Variants in WDR89 observed in about 807,000 individuals in gnomAD.
The protein encoded by WDR89 is WD repeat-containing protein 89.
A neutral mutation model predicts 29.1 loss-of-function variants in WDR89; 17 were observed. That is an observed-to-expected ratio of 0.58 (90% CI 0.40 to 0.88). The LOEUF is 0.88. Ranked by LOEUF, WDR89 falls within the 40% of genes least tolerant of loss-of-function variation. WDR89 has a pLI of 0.00. For synonymous variants in WDR89, 138 were observed against 157.8 expected (o/e 0.87, Z 0.94); for missense variants, 396 against 456.3 (o/e 0.87, Z 1.20).
At chr14:63,632,155 T>C (rs1365421650) in intron 1 of WDR89, among the ~76,000 whole-genome samples, 1 of 148,784 alleles carries the variant, frequency 6.7e-6, no homozygotes, top group African/African-American at 2.5e-5. Flanking sequence ...CAAAAAAAAG[T>C]AAATCCAAAA....
rs1894833267 is a variant in WDR89 at position 63,597,104 on chromosome 14, C to T, written c.*1675G>A. On this transcript the variant is annotated 3_prime_UTR_variant, in exon 3 of 3. Transcript: ENST00000620954. ...GCATGGCCAGGGAGGCCTCAAGAAACTTACAATCATGGGGGAACGCAAAGG... is the reference window on the plus strand; with the variant it reads ...GCATGGCCAGGGAGGCCTCAAGAAATTTACAATCATGGGGGAACGCAAAGG... The T allele has an allele frequency of 6.6e-6, 1 of 152,222 alleles. No homozygotes were observed. The highest frequency in any genetic ancestry group is 1.9e-4 in the East Asian group (1 of 5,200). 9.4% of individuals were successfully genotyped at this position (152,222 alleles called of 1,614,324 possible).
At chr14:63,612,516 CA>C (rs771361797) in intron 2 of WDR89, among the ~76,000 whole-genome samples, 3 of 151,940 alleles carry the variant, frequency 2.0e-5, no homozygotes, top group Non-Finnish European at 4.4e-5. Flanking sequence ...GCTGGGATTA[CA>C]GGGGTGCACC....
intron 2 of WDR89, among the ~76,000 whole-genome samples, chr14:63,605,135 C>A (rs1264537992): frequency 6.6e-6 from 1 of 150,562 alleles, no homozygotes; most frequent in Non-Finnish European, 1.5e-5. Context: ...GGCGACAGAG[C>A]AAGACACGTG....
Position 63,637,945 on chromosome 14 carries a change from C to T in WDR89, c.-138+3859G>A, listed in dbSNP as rs375386467. On this transcript the variant is annotated intron_variant, in intron 1 of 2. Coordinates refer to ENST00000620954, the MANE Select transcript of WDR89 (RefSeq NM_080666.4). ...ATACCACCTGTACCCCAATAACTTA[C>T]GGAAAAATTTTTTTTTTTTCAAAAC... Among the ~76,000 whole-genome samples the T allele has an allele frequency of 8.8e-4, 133 of 151,948 alleles. 1 individual carries two copies. The highest frequency in any genetic ancestry group is 2.9e-3 in the African/African-American group (122 of 41,432).
At position 63,598,770 on chromosome 14, in the gene WDR89, A is replaced by G. The variant is rs370975223; in HGVS notation, c.*9T>C. On this transcript the variant is annotated 3_prime_UTR_variant, in exon 3 of 3. Coordinates refer to ENST00000620954, the MANE Select transcript of WDR89 (RefSeq NM_080666.4). ...ATAAAACCTACCAAACAAAGTGCCA[A>G]ATGCATTATCACTGCTTTTTCCTTC... 11 of 1,562,820 alleles carry G rather than the reference A, an allele frequency of 7.0e-6. No homozygotes were observed. The highest frequency in any genetic ancestry group is 3.5e-4 in the Middle Eastern group (2 of 5,748).
rs780247394 is a variant in WDR89 at position 63,599,414 on chromosome 14, G to A, written c.529C>T (p.Arg177Cys). ...ETHSDDVTQV[R>C]FHPSNPNMVV... ...ATGTTGGGATTGCTGGGATGGAAAC[G>A]TACTTGAGTGACATCATCACTATGT... Residue 177 changes from arginine to cysteine, a missense_variant, in exon 3 of 3, where the codon CGT (arginine) becomes TGT (cysteine). Transcript: ENST00000620954. 40 of 1,614,128 alleles carry A rather than the reference G, an allele frequency of 2.5e-5. No individual in the cohort carries two copies. Among genetic ancestry groups the A allele is most frequent in the South Asian group, 1.9e-4 (17 of 91,080 alleles).
intron 2 of WDR89, among the ~76,000 whole-genome samples, chr14:63,619,005 T>C (rs1013377153): frequency 6.6e-6 from 1 of 152,190 alleles, no homozygotes; most frequent in Non-Finnish European, 1.5e-5. Flanking sequence ...CAATGAAATG[T>C]GGGTCTAGAA....
At chr14:63,627,150 A>ACACACACACACTCT (rs1433982075) in intron 1 of WDR89, among the ~76,000 whole-genome samples, 10 of 127,268 alleles carry the variant, frequency 7.9e-5, no homozygotes, top group African/African-American at 3.2e-4. Flanking sequence ...ACACACACAC[A>ACACACACACACTCT]CTCTCTCTCT....
chr14:63,617,669 G>A (rs985220587), intron 2 of WDR89, among the ~76,000 whole-genome samples: 7 of 151,906 alleles, frequency 4.6e-5, no homozygotes, highest in South Asian at 4.2e-4. Flanking sequence ...AGTTTTAGTC[G>A]AGACGAGGTT....
Position 63,597,130 on chromosome 14 carries a change from G to A in WDR89, c.*1649C>T, listed in dbSNP as rs1333668330. 1 of 152,200 alleles carries A rather than the reference G, an allele frequency of 6.6e-6. No individual in the cohort carries two copies. The highest frequency in any genetic ancestry group is 1.5e-5 in the Non-Finnish European group (1 of 68,050). The allele number at this position is 152,200 out of a possible 1,614,324, so 9.4% of individuals were successfully genotyped here. A position where few individuals can be genotyped will look rare whatever the true frequency, so the allele number is the denominator to read the frequency against. The stretch of plus-strand genomic sequence containing the variant: ...TTACAATCATGGGGGAACGCAAAGG[G>A]GAAGCAAAGCACCTTCTTCACAAGG... On this transcript the variant is annotated 3_prime_UTR_variant, in exon 3 of 3. Coordinates refer to ENST00000620954, the MANE Select transcript of WDR89 (RefSeq NM_080666.4).
At position 63,599,543 on chromosome 14, in the gene WDR89, T is replaced by C; in HGVS notation, c.400A>G (p.Thr134Ala). 1 of 1,614,164 alleles carries C rather than the reference T, an allele frequency of 6.2e-7. No individual in the cohort carries two copies. ...AATGCATCATCATCAACTTTTTCTGTACCAGCACAAATAATATGATCATTA... is the reference window on the plus strand; with the variant it reads ...AATGCATCATCATCAACTTTTTCTGCACCAGCACAAATAATATGATCATTA... ...NCNDHIICAG[T>A]EKVDDDALLV... Residue 134 changes from threonine (T) to alanine (A), a missense_variant, in exon 3 of 3, where the codon ACA becomes GCA. Transcript: ENST00000620954.
intron 2 of WDR89, among the ~76,000 whole-genome samples, chr14:63,620,522 A>G (rs530094801): frequency 1.3e-5 from 2 of 152,246 alleles, no homozygotes; most frequent in African/African-American, 4.8e-5. Context: ...TGGAAAGAGG[A>G]GTAAGTTCAA....
At chr14:63,604,813 C>T (rs1288002528) in intron 2 of WDR89, among the ~76,000 whole-genome samples, 3 of 152,126 alleles carry the variant, frequency 2.0e-5, no homozygotes, top group Non-Finnish European at 4.4e-5. Flanking sequence ...AAGGACGCTG[C>T]GGTCAATGAC....
At chr14:63,636,017 G>C (rs1566802498) in intron 1 of WDR89, among the ~76,000 whole-genome samples, 1 of 152,222 alleles carries the variant, frequency 6.6e-6, no homozygotes, top group East Asian at 1.9e-4. Flanking sequence ...GACCAGCCTG[G>C]CCAACATGGT....
intron 2 of WDR89, among the ~76,000 whole-genome samples, chr14:63,610,245 C>A (rs1201902778): frequency 3.2e-4 from 35 of 109,884 alleles, no homozygotes; most frequent in East Asian, 5.6e-4. Flanking sequence ...AAAAAAAAAA[C>A]TCTTGGATTA....
At chr14:63,625,434 T>G (rs1882975494) in intron 1 of WDR89, among the ~76,000 whole-genome samples, 1 of 145,560 alleles carries the variant, frequency 6.9e-6, no homozygotes, top group Non-Finnish European at 1.5e-5. Flanking sequence ...TACTTACATG[T>G]CAATTCATCA....
rs1894932583 is a variant in WDR89 at position 63,599,281 on chromosome 14, C to G, written c.662G>C (p.Cys221Ser). The G allele has an allele frequency of 6.2e-7, 1 of 1,613,578 alleles. No homozygotes were observed. Among genetic ancestry groups the G allele is most frequent in the Non-Finnish European group, 8.5e-7 (1 of 1,179,726 alleles). ...ATAACCTTTCCCAGACCAACCAATA[C>G]AGCTTACTGATGAAATTGAGTTACA... ...TTCNSISSVSCIGWSGKGYKQ... is the reference protein window; with the variant it reads ...TTCNSISSVSSIGWSGKGYKQ... Residue 221 changes from cysteine (C) to serine (S), a missense_variant, in exon 3 of 3, where the codon TGT becomes TCT. Physicochemically the swap from Cys to Ser is moderately radical, Grantham distance 112. Transcript: ENST00000620954.
rs773497176 is a variant in WDR89, at chr14:63,599,691, ACT to A, written c.250_251del (p.Ser84CysfsTer7). Reference protein sequence around the residue: ...NGVRFANSCDSVYSACTDGTV... With the variant: ...NGVRFANSCDXVYSACTDGTV... Reference sequence around the variant, plus strand: ...TGCCATCAGTACATGCTGAATATACACTGTCACAGGAATTTGCAAATCTGACT... The same window carrying A: ...TGCCATCAGTACATGCTGAATATACAGTCACAGGAATTTGCAAATCTGACT... On this transcript the variant is annotated frameshift_variant, in exon 3 of 3. Transcript: ENST00000620954. LOFTEE classifies it high-confidence loss of function. The A allele has an allele frequency of 1.2e-5, 19 of 1,614,096 alleles. No individual in the cohort carries two copies. Among genetic ancestry groups the A allele is most frequent in the Non-Finnish European group, 1.6e-5 (19 of 1,180,042 alleles).
intron 1 of WDR89, among the ~76,000 whole-genome samples, chr14:63,633,513 C>A (rs1045191028): frequency 6.6e-6 from 1 of 152,122 alleles, no homozygotes; most frequent in Non-Finnish European, 1.5e-5. Flanking sequence ...CAGCTACAGA[C>A]TTTGTTTTGC....
Sources: gnomAD v4.1 joint callset for allele counts (sites outside exome capture counted in the v4.1 genomes callset) on GRCh38, gnomAD v4.1.1 for gene constraint, MANE v1.5 for transcripts, NCBI Gene and HGNC (gene_info 2026-07-23, HGNC 2026-07-21) for gene names.